The following ENOX2 variants were observed in gnomAD, a reference collection of about 807,000 sequenced individuals.
ENOX2 encodes the protein ecto-NOX disulfide-thiol exchanger 2.
ENOX2 carries 36 observed loss-of-function variants against 45.0 expected under a neutral mutation model. That is an observed-to-expected ratio of 0.80 (90% confidence interval 0.61 to 1.06). The LOEUF is 1.06. Among genes scored for constraint, ENOX2 ranks in the 50% least tolerant of loss-of-function variants. The pLI, the probability that ENOX2 is intolerant of heterozygous loss-of-function variation, is 0.00. For synonymous variants in ENOX2, 174 were observed against 152.3 expected, an observed-to-expected ratio of 1.14 and a Z score of -1.05; for missense variants, 423 against 462.5, an observed-to-expected ratio of 0.91 and a Z score of 0.78.
At chrX:130,666,185 T>C (rs1156506083) in intron 8 of ENOX2, among the ~76,000 whole-genome samples, 1 of 112,139 alleles carries the variant, frequency 8.9e-6, no homozygotes, top group Non-Finnish European at 1.9e-5. Context: ...CATAGCCCTC[T>C]GACACACACT....
chrX:130,856,033 C>T (rs754726844), intron 2 of ENOX2, among the ~76,000 whole-genome samples: 2 of 112,059 alleles, frequency 1.8e-5, no homozygotes, highest in Non-Finnish European at 3.8e-5. Flanking sequence ...TCACGCTCAC[C>T]TATCACAGTA....
intron 3 of ENOX2, among the ~76,000 whole-genome samples, chrX:130,777,428 G>C (rs2039880731): frequency 9.3e-6 from 1 of 107,877 alleles, no homozygotes; most frequent in Non-Finnish European, 1.9e-5. Flanking sequence ...CTGAGGCTTG[G>C]GAGGTGAGCT....
chrX:130,701,199 G>C (rs2037889439), intron 4 of ENOX2, among the ~76,000 whole-genome samples: 1 of 111,060 alleles, frequency 9.0e-6, no homozygotes, highest in South Asian at 3.9e-4. Context: ...CGCAGATGTG[G>C]CCTCAATATT....
chrX:130,675,335 T>C (rs143027561), intron 6 of ENOX2, among the ~76,000 whole-genome samples: 20 of 112,084 alleles, frequency 1.8e-4, no homozygotes, highest in Non-Finnish European at 3.0e-4. Flanking sequence ...TGGTATCTCA[T>C]TGTGGTTTTG....
intron 2 of ENOX2, among the ~76,000 whole-genome samples, chrX:130,839,396 T>A (rs1383852925): frequency 8.9e-6 from 1 of 111,796 alleles, no homozygotes; most frequent in Non-Finnish European, 1.9e-5. Flanking sequence ...TCCAATAATG[T>A]ATAGTTCTAT....
chrX:130,657,918 A>G (rs2036588390), intron 9 of ENOX2, among the ~76,000 whole-genome samples: 1 of 112,251 alleles, frequency 8.9e-6, no homozygotes, highest in Non-Finnish European at 1.9e-5. Flanking sequence ...TAAAGCAGCT[A>G]TTAATATAAC....
intron 3 of ENOX2, among the ~76,000 whole-genome samples, chrX:130,716,016 A>C (rs1008753547): frequency 1.3e-4 from 14 of 111,506 alleles, no homozygotes; most frequent in Non-Finnish European, 1.9e-4. Context: ...GGGGGTAAGG[A>C]AAGAGGGGAG....
chrX:130,814,154 G>T (rs1322831346), intron 2 of ENOX2, among the ~76,000 whole-genome samples: 2 of 112,280 alleles, frequency 1.8e-5, no homozygotes. Context: ...GGAGCCCATG[G>T]CAGCTCAGCA....
intron 4 of ENOX2, among the ~76,000 whole-genome samples, chrX:130,699,801 T>G (rs756076207): frequency 1.8e-5 from 2 of 112,277 alleles, no homozygotes; most frequent in South Asian, 3.7e-4. Context: ...CACCTGTTGC[T>G]GTCCAGTATT....
At chrX:130,632,426 A>G (rs1411045991) in intron 12 of ENOX2, among the ~76,000 whole-genome samples, 2 of 104,553 alleles carry the variant, frequency 1.9e-5, no homozygotes, top group Non-Finnish European at 3.9e-5. Flanking sequence ...GTCAAACTGA[A>G]AAATACCTCC....
chrX:130,822,067 C>CAAA (rs759582186), intron 2 of ENOX2, among the ~76,000 whole-genome samples: 13 of 19,062 alleles, frequency 6.8e-4, no homozygotes, highest in Admixed American at 1.2e-3. Context: ...GACTCCGTCT[C>CAAA]AAAAAAAAAA....
chrX:130,710,030 T>C (rs1210695111), intron 3 of ENOX2, among the ~76,000 whole-genome samples: 4 of 111,415 alleles, frequency 3.6e-5, no homozygotes, highest in Non-Finnish European at 5.6e-5. Flanking sequence ...GTTTTCTTAA[T>C]AGTTTTAAAG....
rs1239280106 is a variant in ENOX2, at chrX:130,707,897, C to A, written c.-38-4643G>T. Among the ~76,000 whole-genome samples, 5 of 111,864 alleles carry A rather than the reference C, an allele frequency of 4.5e-5. No homozygotes were observed. The East Asian group carries it at 1.4e-3, about 31-fold the overall frequency. On this transcript the variant is annotated intron_variant, in intron 3 of 14. Transcript: ENST00000394363. ...TGTAATGTGCTCATTCACTTTCTTTCTTCTCTTCTTGCCTGCCTGCCTTCC... is the reference window on the plus strand; with the variant it reads ...TGTAATGTGCTCATTCACTTTCTTTATTCTCTTCTTGCCTGCCTGCCTTCC...
At chrX:130,691,534 T>C (rs1000002290) in intron 4 of ENOX2, among the ~76,000 whole-genome samples, 1 of 112,388 alleles carries the variant, frequency 8.9e-6, no homozygotes, top group African/African-American at 3.2e-5. Context: ...TGGTTAAGAA[T>C]GCCATTTATG....
intron 3 of ENOX2, among the ~76,000 whole-genome samples, chrX:130,775,155 G>C (rs73229070): frequency 7.2e-5 from 8 of 111,752 alleles, no homozygotes; most frequent in Non-Finnish European, 1.5e-4. Flanking sequence ...GACAAGGCGC[G>C]TGGATGGCTT....
intron 3 of ENOX2, among the ~76,000 whole-genome samples, chrX:130,748,252 T>C (rs933468552): frequency 8.9e-6 from 1 of 112,141 alleles, no homozygotes; most frequent in African/African-American, 3.2e-5. Context: ...GGGAAGTATA[T>C]TACTCCTTAC....
chrX:130,820,174 A>C (rs1165726378), intron 2 of ENOX2, among the ~76,000 whole-genome samples: 1 of 112,607 alleles, frequency 8.9e-6, no homozygotes, highest in Non-Finnish European at 1.9e-5. Flanking sequence ...ATTTCTCAAA[A>C]GAAGACATTC....
rs763746797 is a variant in ENOX2, at chrX:130,771,971, T to G, written c.-39+11576A>C. 4.5e-5 allele frequency among the ~76,000 whole-genome samples: 5 copies of G among 112,022 alleles called. No individual in the cohort carries two copies. In the South Asian group the frequency reaches 1.9e-3, roughly 43 times the overall value. On this transcript the variant is annotated intron_variant, in intron 3 of 14. Transcript: ENST00000394363. ...TAGTGTGCCAAGTCCTAAGTTACAG[T>G]AAACATCAGTTAGGGGCCCAGAAGG...
intron 2 of ENOX2, among the ~76,000 whole-genome samples, chrX:130,812,014 G>A (rs1295473346): frequency 9.0e-6 from 1 of 111,429 alleles, no homozygotes; most frequent in African/African-American, 3.3e-5. Flanking sequence ...AAAATATACA[G>A]TAAGAGGAAA....
Sources: gnomAD v4.1 joint callset for allele counts (sites outside exome capture counted in the v4.1 genomes callset) on GRCh38, gnomAD v4.1.1 for gene constraint, MANE v1.5 for transcripts, NCBI Gene and HGNC (gene_info 2026-07-23, HGNC 2026-07-21) for gene names.